TENM1: variants seen among roughly 807,000 people sequenced by gnomAD.
TENM1 encodes the protein teneurin transmembrane protein 1.
A neutral mutation model predicts 174.8 loss-of-function variants in TENM1; 35 were observed. That is an observed-to-expected ratio of 0.20 (90% CI 0.15 to 0.27). TENM1 has a LOEUF of 0.27. TENM1 is among the 10% of genes least tolerant of loss of function. TENM1 has a pLI of 1.00. For missense variants in TENM1, 1,633 were observed against 2,130.1 expected (o/e 0.77, Z 4.59); for synonymous variants, 781 against 798.7 (o/e 0.98, Z 0.37).
the TENM1 span, among the ~76,000 whole-genome samples, chrX:125,158,478 T>C: frequency 9.2e-6 from 1 of 108,120 alleles, no homozygotes; most frequent in Non-Finnish European, 1.9e-5. Context: ...GTGGTCTTTA[T>C]AGAAGTATCA....
rs2051179781 is a variant in TENM1 at position 124,647,126 on chromosome X, T to C, written c.1580-316A>G. Among the ~76,000 whole-genome samples the C allele has an allele frequency of 2.7e-5, 3 of 112,012 alleles. No individual in the cohort carries two copies. The Admixed American group carries it at 2.8e-4, about 11-fold the overall frequency. On this transcript the variant is annotated intron_variant, in intron 8 of 31. Coordinates refer to ENST00000422452, the Ensembl canonical transcript of TENM1. ...ACATTCATGATAAAGCTAAAAAATG[T>C]ACCAGGATTACAGGGCATTTCTCAA...
chrX:125,037,716 A>G, the TENM1 span, among the ~76,000 whole-genome samples: 9 of 111,585 alleles, frequency 8.1e-5, no homozygotes, highest in Non-Finnish European at 1.5e-4. Context: ...TTGTTCTTCA[A>G]ATACTTACAG....
At chrX:125,153,522 G>C in the TENM1 span, among the ~76,000 whole-genome samples, 1 of 112,214 alleles carries the variant, frequency 8.9e-6, no homozygotes, top group South Asian at 3.7e-4. Context: ...GCCAAACATA[G>C]TTGAATAAAA....
At chrX:124,495,708 G>T (rs1164607540) in intron 20 of TENM1, among the ~76,000 whole-genome samples, 1 of 105,110 alleles carries the variant, frequency 9.5e-6, no homozygotes, top group Non-Finnish European at 1.9e-5. Flanking sequence ...CACTGCTCAA[G>T]GAAATAAAAG....
At chrX:124,463,992 G>C (rs1603276876) in intron 22 of TENM1, among the ~76,000 whole-genome samples, 2 of 109,921 alleles carry the variant, frequency 1.8e-5, no homozygotes, top group South Asian at 8.0e-4. Context: ...TGCAGGCTGA[G>C]ATTTAAGGGT....
At chrX:125,110,694 G>A in the TENM1 span, among the ~76,000 whole-genome samples, 446 of 111,082 alleles carry the variant, frequency 4.0e-3, 3 homozygotes, top group African/African-American at 0.014. Context: ...CTCAAATGAA[G>A]CTAAAACTTC....
At chrX:124,568,589 A>G (rs1250089894) in intron 11 of TENM1, among the ~76,000 whole-genome samples, 2 of 111,952 alleles carry the variant, frequency 1.8e-5, no homozygotes, top group African/African-American at 6.5e-5. Flanking sequence ...ATATGAAAAC[A>G]TAAAGGTGGA....
chrX:124,968,154 A>T (rs949677396), upstream of TENM1, among the ~76,000 whole-genome samples: 3 of 111,861 alleles, frequency 2.7e-5, no homozygotes, highest in African/African-American at 9.7e-5. Context: ...AAAGTAAAAC[A>T]ACACCAAAAA....
the TENM1 span, among the ~76,000 whole-genome samples, chrX:125,153,577 C>T: frequency 8.9e-6 from 1 of 112,262 alleles, no homozygotes; most frequent in Admixed American, 9.4e-5. Context: ...TCATAAAGTA[C>T]TTCCTTACTG....
At chrX:124,952,083 A>G (rs914794026) in intron 1 of TENM1, among the ~76,000 whole-genome samples, 1 of 111,143 alleles carries the variant, frequency 9.0e-6, no homozygotes, top group African/African-American at 3.3e-5. Flanking sequence ...AAGAAACATA[A>G]AGCTTGCCAA....
At chrX:124,759,866 G>A in intron 3 of TENM1, among the ~76,000 whole-genome samples, 1 of 112,031 alleles carries the variant, frequency 8.9e-6, no homozygotes, top group Non-Finnish European at 1.9e-5. Flanking sequence ...TAAAACAATA[G>A]AAACTTATTT....
At chrX:124,931,115 G>T (rs1028349724) in intron 1 of TENM1, among the ~76,000 whole-genome samples, 15 of 110,630 alleles carry the variant, frequency 1.4e-4, no homozygotes, top group Admixed American at 4.8e-4. Flanking sequence ...AGAGAAGAAG[G>T]CTTCAAAACT....
intron 11 of TENM1, among the ~76,000 whole-genome samples, chrX:124,616,891 A>G (rs965679457): frequency 3.6e-5 from 4 of 111,823 alleles, no homozygotes; most frequent in Non-Finnish European, 3.8e-5. Context: ...CCTGCCCAAG[A>G]TGTGCCTATC....
intron 22 of TENM1, among the ~76,000 whole-genome samples, chrX:124,453,972 T>C (rs373640181): frequency 8.9e-6 from 1 of 111,752 alleles, no homozygotes; most frequent in Non-Finnish European, 1.9e-5. Context: ...ATAACTTTGA[T>C]GAACCGGGCT....
chrX:124,431,804 CACACT>C (rs1214464811), intron 23 of TENM1, among the ~76,000 whole-genome samples: 1 of 111,917 alleles, frequency 8.9e-6, no homozygotes, highest in Non-Finnish European at 1.9e-5. Flanking sequence ...ATCTTAGATA[CACACT>C]CTTGTGTCTC....
intron 3 of TENM1, among the ~76,000 whole-genome samples, chrX:124,746,052 C>G (rs1301118010): frequency 1.8e-5 from 2 of 111,780 alleles, no homozygotes; most frequent in Non-Finnish European, 3.8e-5. Flanking sequence ...TGTCTTGTAT[C>G]AGGATGTGAG....
intron 3 of TENM1, among the ~76,000 whole-genome samples, chrX:124,840,049 C>T (rs906703004): frequency 2.7e-5 from 3 of 111,636 alleles, no homozygotes; most frequent in African/African-American, 9.8e-5. Flanking sequence ...TTTCAAATGA[C>T]GATAATAATA....
At chrX:125,133,714 T>G in the TENM1 span, among the ~76,000 whole-genome samples, 1 of 111,839 alleles carries the variant, frequency 8.9e-6, no homozygotes. Flanking sequence ...ACCAGTATAG[T>G]GGCTACTGTC....
chrX:124,471,368 ATATAT>A (rs1434590404), intron 22 of TENM1, among the ~76,000 whole-genome samples: 2 of 37,912 alleles, frequency 5.3e-5, no homozygotes, highest in Non-Finnish European at 8.3e-5. Context: ...ATATAGTACT[ATATAT>A]TATAATATAT....
Sources: allele counts gnomAD v4.1 joint callset (sites outside exome capture counted in the v4.1 genomes callset), GRCh38; gene constraint gnomAD v4.1.1; transcripts MANE v1.5; gene names NCBI Gene and HGNC (gene_info 2026-07-23, HGNC 2026-07-21).